ROBO1: variants seen among roughly 807,000 people sequenced by gnomAD.
ROBO1 encodes roundabout guidance receptor 1.
In ROBO1, 149 loss-of-function variants were observed where a neutral mutation model predicts 195.9. The ratio of observed to expected loss-of-function variants is 0.76; its 90% CI spans 0.67 to 0.87. The LOEUF (loss-of-function observed/expected upper bound fraction) is 0.87, where lower values mean the gene tolerates loss of function less well. Among genes scored for constraint, ROBO1 ranks in the 40% least tolerant of loss-of-function variants. ROBO1 has a pLI of 0.00. For missense variants in ROBO1, 1,933 were observed against 2,068.3 expected (o/e 0.93, Z 1.27); for synonymous variants, 816 against 733.2 (o/e 1.11, Z -1.82).
chr3:78,830,218 A>G (rs893156223), intron 4 of ROBO1, among the ~76,000 whole-genome samples: 3 of 152,206 alleles, frequency 2.0e-5, no homozygotes, highest in African/African-American at 7.2e-5. Context: ...GTTCACCCCT[A>G]CATTTCTCAG....
At chr3:79,564,308 C>T (rs1238472856) in intron 2 of ROBO1, among the ~76,000 whole-genome samples, 1 of 152,048 alleles carries the variant, frequency 6.6e-6, no homozygotes, top group African/African-American at 2.4e-5. Flanking sequence ...TAGCACAGGG[C>T]CAGTGGACTT....
intron 2 of ROBO1, among the ~76,000 whole-genome samples, chr3:79,300,872 A>G (rs2032907193): frequency 3.3e-5 from 5 of 151,048 alleles, no homozygotes; most frequent in Admixed American, 3.3e-4. Context: ...TTTATGTCAC[A>G]CTCTGTATCT....
chr3:78,962,862 A>G (rs1264166988), intron 3 of ROBO1, among the ~76,000 whole-genome samples: 1 of 149,152 alleles, frequency 6.7e-6, no homozygotes, highest in Non-Finnish European at 1.5e-5. Flanking sequence ...TTTCACATTT[A>G]CTGTTCTCCT....
chr3:79,209,165 T>C (rs1389952496), intron 2 of ROBO1, among the ~76,000 whole-genome samples: 1 of 152,158 alleles, frequency 6.6e-6, no homozygotes, highest in Non-Finnish European at 1.5e-5. Context: ...ACCCCCATCT[T>C]GTCCTTCCAC....
At chr3:78,937,373 T>C (rs565944386) in intron 4 of ROBO1, among the ~76,000 whole-genome samples, 25 of 151,888 alleles carry the variant, frequency 1.6e-4, no homozygotes, top group Admixed American at 3.9e-4. Flanking sequence ...TGAACATATA[T>C]TAACATATCA....
intron 26 of ROBO1, among the ~76,000 whole-genome samples, chr3:78,618,326 T>A (rs1252119946): frequency 6.6e-6 from 1 of 152,134 alleles, no homozygotes; most frequent in Admixed American, 6.5e-5. Context: ...TTATGTTTCA[T>A]GAAAAAAGGA....
At chr3:79,003,768 A>G (rs1313218548) in intron 3 of ROBO1, among the ~76,000 whole-genome samples, 2 of 152,154 alleles carry the variant, frequency 1.3e-5, no homozygotes, top group Non-Finnish European at 2.9e-5. Flanking sequence ...CCTATGCTCT[A>G]CTGAAAAGCA....
intron 3 of ROBO1, among the ~76,000 whole-genome samples, chr3:78,986,983 T>C (rs897403321): frequency 1.3e-5 from 2 of 152,130 alleles, no homozygotes; most frequent in Non-Finnish European, 2.9e-5. Flanking sequence ...CTCTTTGTTT[T>C]CTTAAACAGT....
intron 10 of ROBO1, among the ~76,000 whole-genome samples, chr3:78,673,578 A>ATT (rs1025640968): frequency 1.7e-4 from 8 of 46,038 alleles, no homozygotes; most frequent in Non-Finnish European, 3.4e-4. Flanking sequence ...ATATATATAT[A>ATT]TATATATATA....
At chr3:79,236,681 C>A (rs1339497239) in intron 2 of ROBO1, among the ~76,000 whole-genome samples, 1 of 151,968 alleles carries the variant, frequency 6.6e-6, no homozygotes, top group Admixed American at 6.6e-5. Flanking sequence ...AGAGACATAT[C>A]TAAAGTAAAA....
At chr3:78,614,895 G>A in intron 27 of ROBO1, 95 bp from the exon 28 acceptor site, 9 of 1,255,136 alleles carry the variant, frequency 7.2e-6, no homozygotes, top group Non-Finnish European at 9.6e-6. Flanking sequence ...ACCAGAAACA[G>A]CTTTAATTTT....
intron 2 of ROBO1, among the ~76,000 whole-genome samples, chr3:79,540,553 T>C (rs138234020): frequency 6.6e-6 from 1 of 152,124 alleles, no homozygotes; most frequent in Non-Finnish European, 1.5e-5. Context: ...CTACCGATAA[T>C]AATCTACTCT....
At chr3:78,877,201 T>TAA (rs1559953135) in intron 4 of ROBO1, among the ~76,000 whole-genome samples, 1 of 152,154 alleles carries the variant, frequency 6.6e-6, no homozygotes, top group Non-Finnish European at 1.5e-5. Flanking sequence ...GACATACATA[T>TAA]AATATCCACA....
chr3:78,942,238 T>C (rs2040181642), intron 3 of ROBO1, among the ~76,000 whole-genome samples: 1 of 151,978 alleles, frequency 6.6e-6, no homozygotes, highest in Non-Finnish European at 1.5e-5. Flanking sequence ...AAGTCGAGGC[T>C]GCAGTGAGCT....
chr3:78,834,563 C>T (rs1199121809), intron 4 of ROBO1, among the ~76,000 whole-genome samples: 10 of 151,540 alleles, frequency 6.6e-5, no homozygotes, highest in Non-Finnish European at 8.8e-5. Context: ...GTATTCATTT[C>T]ATCATCAGGG....
intron 2 of ROBO1, among the ~76,000 whole-genome samples, chr3:79,260,628 G>A (rs564457752): frequency 1.3e-5 from 2 of 152,202 alleles, no homozygotes; most frequent in South Asian, 4.1e-4. Flanking sequence ...GGTTATTAGA[G>A]AGTTTTAAAG....
chr3:78,717,194 T>C (rs567446930), intron 7 of ROBO1, 81 bp downstream of exon 7: 11 of 1,415,928 alleles, frequency 7.8e-6, no homozygotes, highest in Non-Finnish European at 9.5e-6. Flanking sequence ...ACTATTCTAA[T>C]GGCCCGGATG....
chr3:78,900,183 G>A (rs879560905), intron 4 of ROBO1, among the ~76,000 whole-genome samples: 3 of 152,108 alleles, frequency 2.0e-5, no homozygotes, highest in Non-Finnish European at 4.4e-5. Context: ...ACTTTTCTAA[G>A]ATAGAATCAA....
chr3:78,769,792 CTTTG>C (rs1361812684), intron 4 of ROBO1, among the ~76,000 whole-genome samples: 2 of 152,078 alleles, frequency 1.3e-5, no homozygotes, highest in Admixed American at 6.5e-5. Context: ...TTCTCTCAGC[CTTTG>C]TTTGTCTGAA....
Sources: gnomAD v4.1 joint callset for allele counts (sites outside exome capture counted in the v4.1 genomes callset) on GRCh38, gnomAD v4.1.1 for gene constraint, MANE v1.5 for transcripts, NCBI Gene and HGNC (gene_info 2026-07-23, HGNC 2026-07-21) for gene names.